The following CLNK variants were observed in gnomAD, a reference collection of about 807,000 sequenced individuals.
CLNK encodes cytokine dependent hematopoietic cell linker.
In CLNK, 74 loss-of-function variants were observed where a neutral mutation model predicts 68.6. The ratio of observed to expected loss-of-function variants is 1.08; its 90% CI spans 0.89 to 1.31. CLNK has a LOEUF of 1.31. Among genes scored for constraint, CLNK ranks in the 50% most tolerant of loss-of-function variants. The pLI, the probability that CLNK is intolerant of heterozygous loss-of-function variation, is 0.00. For missense variants in CLNK, 553 were observed against 515.3 expected, an observed-to-expected ratio of 1.07 and a Z score of -0.71; for synonymous variants, 198 against 172.2, an observed-to-expected ratio of 1.15 and a Z score of -1.17.
intron 17 of CLNK, among the ~76,000 whole-genome samples, chr4:10,504,367 GC>G (rs559406268): frequency 1.6e-3 from 244 of 152,032 alleles, no homozygotes; most frequent in Non-Finnish European, 2.5e-3. Flanking sequence ...AGATTCGCCC[GC>G]CTCGGGCTCC....
rs185254023 is a variant in CLNK, at chr4:10,507,549, C to T, written c.984+410G>A. Among the ~76,000 whole-genome samples the T allele has an allele frequency of 6.0e-4, 91 of 151,652 alleles. 1 individual carries two copies. In the East Asian group the frequency reaches 0.017, roughly 29 times the overall value. ...CACAGTCTTGGCTCACTGCAACCTCCGCCTCCCAGGTTCAAGTGATTCTCG... is the reference window on the plus strand; with the variant it reads ...CACAGTCTTGGCTCACTGCAACCTCTGCCTCCCAGGTTCAAGTGATTCTCG... On this transcript the variant is annotated intron_variant, in intron 17 of 18. Coordinates refer to ENST00000226951, the MANE Select transcript of CLNK (RefSeq NM_052964.4).
chr4:10,547,707 G>A (rs1358633869), intron 8 of CLNK, among the ~76,000 whole-genome samples: 1 of 152,046 alleles, frequency 6.6e-6, no homozygotes, highest in Non-Finnish European at 1.5e-5. Context: ...GAGTTTGACT[G>A]TGTTAGGTTC....
intron 12 of CLNK, chr4:10,531,711 G>T (rs975743219): frequency 1.3e-5 from 6 of 456,560 alleles, no homozygotes; most frequent in Non-Finnish European, 2.2e-5. Flanking sequence ...AAAGTGCTGG[G>T]ATTACAGGCG....
intron 18 of CLNK, among the ~76,000 whole-genome samples, chr4:10,492,344 G>A (rs150966658): frequency 6.6e-6 from 1 of 152,236 alleles, no homozygotes; most frequent in African/African-American, 2.4e-5. Flanking sequence ...GGGCTACTCT[G>A]CCTCTGATTT....
the CLNK span, among the ~76,000 whole-genome samples, chr4:10,699,512 A>T: frequency 0.086 from 2,800 of 32,448 alleles, 161 homozygotes; most frequent in African/African-American, 0.12. Context: ...ATATATATAT[A>T]TTTTTTTTTT....
At chr4:10,537,714 T>TCTTTCTTTCTTTCTTTCTTTCTTC (rs1560207004) in intron 11 of CLNK, among the ~76,000 whole-genome samples, 25 of 84,370 alleles carry the variant, frequency 3.0e-4, no homozygotes, top group African/African-American at 1.2e-3. Context: ...TTCCTTTCTT[T>TCTTTCTTTCTTTCTTTCTTTCTTC]CTTTCTTTCT....
At chr4:10,668,633 G>T (rs180791325) in intron 1 of CLNK, among the ~76,000 whole-genome samples, 1 of 152,304 alleles carries the variant, frequency 6.6e-6, no homozygotes, top group East Asian at 1.9e-4. Context: ...AGACAGTGAA[G>T]TATCTGGGAG....
chr4:10,494,756 GC>G lies in CLNK; in HGVS notation c.1141-4144del, dbSNP rs1206568065. Among the ~76,000 whole-genome samples, 3 of 152,336 alleles carry G rather than the reference GC, an allele frequency of 2.0e-5. No individual in the cohort carries two copies. The South Asian group carries it at 6.2e-4, about 32-fold the overall frequency. ...TTACAGGCGTGAGCCCCCGCGCCCA[GC>G]CTGGTCCTTTCTTATTATTGGTTTC... On this transcript the variant is annotated intron_variant, in intron 18 of 18. Coordinates refer to ENST00000226951, the MANE Select transcript of CLNK (RefSeq NM_052964.4).
At chr4:10,732,606 C>T in the CLNK span, among the ~76,000 whole-genome samples, 318 of 152,102 alleles carry the variant, frequency 2.1e-3, 1 homozygote, top group Middle Eastern at 6.8e-3. Flanking sequence ...CTCTGAAGTT[C>T]CATGGCAATC....
At chr4:10,551,938 C>T (rs1373502657) in intron 8 of CLNK, among the ~76,000 whole-genome samples, 3 of 151,428 alleles carry the variant, frequency 2.0e-5, no homozygotes, top group African/African-American at 7.3e-5. Context: ...ACCTCTGCCT[C>T]CCAGGTTCAA....
At chr4:10,528,541 T>G (rs1364589459) in intron 12 of CLNK, among the ~76,000 whole-genome samples, 5 of 152,200 alleles carry the variant, frequency 3.3e-5, no homozygotes, top group Non-Finnish European at 7.3e-5. Flanking sequence ...CCCAGATAAC[T>G]GAAAATTAAT....
chr4:10,537,524 G>T (rs750945582), intron 11 of CLNK, among the ~76,000 whole-genome samples: 1 of 152,002 alleles, frequency 6.6e-6, no homozygotes, highest in East Asian at 1.9e-4. Context: ...CAGAGTTATG[G>T]ATTCTGGATA....
chr4:10,699,353 CA>C, the CLNK span, among the ~76,000 whole-genome samples: 4 of 118,414 alleles, frequency 3.4e-5, no homozygotes, highest in Non-Finnish European at 8.0e-5. Context: ...TACACACACA[CA>C]CACACAGTCA....
intron 2 of CLNK, among the ~76,000 whole-genome samples, chr4:10,599,347 T>G (rs949677980): frequency 1.3e-5 from 2 of 152,212 alleles, no homozygotes; most frequent in African/African-American, 2.4e-5. Context: ...CATAATAAAT[T>G]TAAAAATCTG....
chr4:10,520,750 TG>T (rs1451882748), intron 15 of CLNK, 40 bp downstream of exon 15: 1 of 1,510,920 alleles, frequency 6.6e-7, no homozygotes, highest in Non-Finnish European at 9.1e-7. Flanking sequence ...CACAGTATCG[TG>T]ACTTACCTGT....
rs1233482819 is a variant in CLNK, at chr4:10,486,615, A to T, written c.*3852T>A. ...TTCATTTGATTCCTCCGTAGTAATT[A>T]GAACAGGAGACTTAACTGATTACAG... is the stretch of plus-strand genomic sequence containing the variant. On this transcript the variant is annotated 3_prime_UTR_variant, in exon 19 of 19. Transcript: ENST00000226951. 1 of 152,204 alleles carries T rather than the reference A, an allele frequency of 6.6e-6. No homozygotes were observed. The highest frequency in any genetic ancestry group is 1.5e-5 in the Non-Finnish European group (1 of 68,032). 9.4% of individuals were successfully genotyped at this position (152,204 alleles called of 1,614,324 possible).
chr4:10,560,526 C>A (rs560008241), intron 7 of CLNK, among the ~76,000 whole-genome samples: 1 of 152,322 alleles, frequency 6.6e-6, no homozygotes, highest in South Asian at 2.1e-4. Flanking sequence ...TCACCGCAAC[C>A]TTGACCTCCC....
intron 3 of CLNK, among the ~76,000 whole-genome samples, chr4:10,595,881 G>A (rs1445350842): frequency 6.6e-6 from 1 of 152,116 alleles, no homozygotes; most frequent in Non-Finnish European, 1.5e-5. Context: ...AGCACATAGT[G>A]AGCACTCAGT....
At chr4:10,554,220 C>T (rs928899777) in intron 8 of CLNK, among the ~76,000 whole-genome samples, 1 of 152,116 alleles carries the variant, frequency 6.6e-6, no homozygotes, top group Non-Finnish European at 1.5e-5. Flanking sequence ...AGTGAACACC[C>T]CAACATTACA....
Sources: allele counts gnomAD v4.1 joint callset (sites outside exome capture counted in the v4.1 genomes callset), GRCh38; gene constraint gnomAD v4.1.1; transcripts MANE v1.5; gene names NCBI Gene and HGNC (gene_info 2026-07-23, HGNC 2026-07-21).